FGF14: variants seen among roughly 807,000 people sequenced by gnomAD.
The protein encoded by FGF14 is fibroblast growth factor 14.
FGF14 carries 5 observed loss-of-function variants against 25.5 expected under a neutral mutation model. The ratio of observed to expected loss-of-function variants is 0.20; its 90% CI spans 0.10 to 0.41. The LOEUF (loss-of-function observed/expected upper bound fraction) is 0.41. FGF14 is among the 10% of genes least tolerant of loss of function. The probability of loss-of-function intolerance (pLI) is 1.00; values close to 1 mark genes in which losing one functional copy is unlikely to be tolerated. For synonymous variants in FGF14, 138 were observed against 118.3 expected, an observed-to-expected ratio of 1.17 and a Z score of -1.08; for missense variants, 222 against 320.1, an observed-to-expected ratio of 0.69 and a Z score of 2.34.
intron 1 of FGF14, among the ~76,000 whole-genome samples, chr13:101,988,693 C>A (rs958705828): frequency 2.2e-4 from 15 of 67,138 alleles, no homozygotes; most frequent in Non-Finnish European, 3.8e-4. Flanking sequence ...ACATCACACA[C>A]TGGGGCCTGT....
At chr13:101,920,587 A>G (rs2033926176), upstream of FGF14, among the ~76,000 whole-genome samples, 1 of 152,152 alleles carries the variant, frequency 6.6e-6, no homozygotes. Context: ...ATCATCTTCC[A>G]GTTTACTCAT....
At chr13:101,793,818 A>G (rs894698213) in intron 3 of FGF14, among the ~76,000 whole-genome samples, 9 of 152,068 alleles carry the variant, frequency 5.9e-5, no homozygotes, top group Non-Finnish European at 1.0e-4. Context: ...TAAACCATAA[A>G]TAGGGCTGTT....
chr13:102,009,439 T>C (rs1440715099), intron 1 of FGF14, among the ~76,000 whole-genome samples: 2 of 152,176 alleles, frequency 1.3e-5, no homozygotes, highest in Non-Finnish European at 2.9e-5. Flanking sequence ...GAGTTTGTGG[T>C]TTCACTGTGC....
At chr13:101,824,742 T>A (rs1254620632) in intron 3 of FGF14, among the ~76,000 whole-genome samples, 1 of 152,170 alleles carries the variant, frequency 6.6e-6, no homozygotes, top group Non-Finnish European at 1.5e-5. Context: ...ACCACGTGAT[T>A]TGAGGATTCC....
chr13:102,323,157 T>C (rs549620046), intron 1 of FGF14, among the ~76,000 whole-genome samples: 2 of 152,302 alleles, frequency 1.3e-5, no homozygotes, highest in South Asian at 2.1e-4. Flanking sequence ...TTATAAATTA[T>C]TGTTAATCTG....
At chr13:101,818,250 G>T (rs1214085185) in intron 3 of FGF14, among the ~76,000 whole-genome samples, 1 of 152,110 alleles carries the variant, frequency 6.6e-6, no homozygotes, top group South Asian at 2.1e-4. Flanking sequence ...AACTTCTTTA[G>T]GTGGGAATAT....
chr13:101,797,670 T>C (rs1256750412), intron 3 of FGF14, among the ~76,000 whole-genome samples: 4 of 151,626 alleles, frequency 2.6e-5, no homozygotes, highest in African/African-American at 9.7e-5. Context: ...GAAAATGTAT[T>C]ATCTGACCAA....
intron 3 of FGF14, among the ~76,000 whole-genome samples, chr13:101,783,206 T>G (rs1298493642): frequency 6.6e-6 from 1 of 152,080 alleles, no homozygotes; most frequent in East Asian, 1.9e-4. Flanking sequence ...GCGCGGTGGC[T>G]CAAGCCTGTA....
intron 1 of FGF14, among the ~76,000 whole-genome samples, chr13:102,113,383 A>G (rs770720754): frequency 9.2e-5 from 14 of 152,296 alleles, no homozygotes; most frequent in Non-Finnish European, 1.2e-4. Flanking sequence ...GGGATAGGAC[A>G]TCGATCAAAC....
chr13:101,751,702 T>C (rs1381613669), intron 3 of FGF14, among the ~76,000 whole-genome samples: 2 of 152,130 alleles, frequency 1.3e-5, no homozygotes, highest in African/African-American at 4.8e-5. Context: ...ACATATTGCC[T>C]AAGGCTGTTT....
chr13:102,399,672 T>C (rs907815090), intron 1 of FGF14, among the ~76,000 whole-genome samples: 1 of 152,222 alleles, frequency 6.6e-6, no homozygotes, highest in African/African-American at 2.4e-5. Context: ...GTGACAACAC[T>C]GTTTTCCCCT....
At chr13:102,302,261 C>T (rs2055108327) in intron 1 of FGF14, among the ~76,000 whole-genome samples, 1 of 152,142 alleles carries the variant, frequency 6.6e-6, no homozygotes, top group Non-Finnish European at 1.5e-5. Flanking sequence ...TCCTCAGTTA[C>T]ATCTCACTTG....
chr13:102,027,326 A>G (rs752550626), intron 1 of FGF14, among the ~76,000 whole-genome samples: 13 of 151,418 alleles, frequency 8.6e-5, no homozygotes, highest in African/African-American at 1.2e-4. Context: ...TATAATTATT[A>G]TAATTCCACA....
intron 1 of FGF14, among the ~76,000 whole-genome samples, chr13:102,203,788 A>G (rs1179389169): frequency 6.6e-6 from 1 of 152,226 alleles, no homozygotes; most frequent in Non-Finnish European, 1.5e-5. Flanking sequence ...ACAGGTTTTG[A>G]CACCAATTTG....
intron 1 of FGF14, among the ~76,000 whole-genome samples, chr13:102,326,405 T>G (rs1158877051): frequency 6.6e-6 from 1 of 152,172 alleles, no homozygotes; most frequent in Admixed American, 6.5e-5. Flanking sequence ...AATACTGACC[T>G]CTTGCTTATG....
chr13:102,200,912 C>T (rs1362611545), intron 1 of FGF14, among the ~76,000 whole-genome samples: 1 of 151,882 alleles, frequency 6.6e-6, no homozygotes, highest in South Asian at 2.1e-4. Flanking sequence ...ACCATCTTGG[C>T]TAACATGGTG....
At chr13:101,919,138 A>G (rs1336392631), upstream of FGF14, among the ~76,000 whole-genome samples, 1 of 152,124 alleles carries the variant, frequency 6.6e-6, no homozygotes, top group Non-Finnish European at 1.5e-5. Flanking sequence ...CTAAATGGCT[A>G]TTGAGTGTGT....
At chr13:102,161,635 AAGAAGAAGAAGAAG>A (rs2047716689) in intron 1 of FGF14, among the ~76,000 whole-genome samples, 3 of 11,414 alleles carry the variant, frequency 2.6e-4, no homozygotes, top group Non-Finnish European at 4.6e-4. Flanking sequence ...GAAGAAGAAG[AAGAAGAAGAAGAAG>A]AAGAAGAAGA....
chr13:102,161,570 A>AAAGAGAAGAAGAAGAAGAAAG (rs1555369385), intron 1 of FGF14, among the ~76,000 whole-genome samples: 1 of 5,652 alleles, frequency 1.8e-4, no homozygotes, highest in Non-Finnish European at 2.4e-4. Flanking sequence ...TTCTGTGAAG[A>AAAGAGAAGAAGAAGAAGAAAG]AAGAAAGAAG....
Sources: allele counts gnomAD v4.1 joint callset (sites outside exome capture counted in the v4.1 genomes callset), GRCh38; gene constraint gnomAD v4.1.1; transcripts MANE v1.5; gene names NCBI Gene and HGNC (gene_info 2026-07-23, HGNC 2026-07-21).